The following CPNE4 variants were observed in gnomAD, a reference collection of about 807,000 sequenced individuals.
CPNE4 encodes copine 4.
A neutral mutation model predicts 67.9 loss-of-function variants in CPNE4; 25 were observed. The observed-to-expected ratio is 0.37, with a 90% confidence interval of 0.27 to 0.51. The LOEUF (loss-of-function observed/expected upper bound fraction) is 0.51, where lower values mean the gene tolerates loss of function less well. Ranked by LOEUF, CPNE4 falls within the 20% of genes least tolerant of loss-of-function variation. The pLI is 0.93. For missense variants in CPNE4, 464 were observed against 690.8 expected, an observed-to-expected ratio of 0.67 and a Z score of 3.68; for synonymous variants, 242 against 244.9, an observed-to-expected ratio of 0.99 and a Z score of 0.11.
intron 7 of CPNE4, among the ~76,000 whole-genome samples, chr3:131,622,853 C>T (rs1173550596): frequency 1.3e-5 from 2 of 152,168 alleles, no homozygotes; most frequent in Non-Finnish European, 2.9e-5. Context: ...CAGGAGTTTG[C>T]CGCTGTCCGT....
rs577158865 is a variant in CPNE4, at chr3:131,575,267, G to C, written c.868-137C>G. The C allele has an allele frequency of 1.0e-5, 7 of 693,834 alleles. No individual in the cohort carries two copies. The South Asian group carries it at 1.3e-4, about 12-fold the overall frequency. 43.0% of individuals were successfully genotyped at this position (693,834 alleles called of 1,614,324 possible). A position where few individuals can be genotyped will look rare whatever the true frequency, so the allele number is the denominator to read the frequency against. The stretch of plus-strand genomic sequence containing the variant: ...GACAGACATCATTGAAAAAAGATGG[G>C]TCAGTTAAGTTTGTTCTGTTAAAGG... On this transcript the variant is annotated intron_variant, in intron 9 of 15. Transcript: ENST00000429747.
chr3:131,918,771 A>G (rs970121823), intron 1 of CPNE4, among the ~76,000 whole-genome samples: 1 of 152,160 alleles, frequency 6.6e-6, no homozygotes, highest in Non-Finnish European at 1.5e-5. Context: ...TGCACTGTGA[A>G]TCTCCAAAAA....
At chr3:131,899,728 A>G (rs755774403) in intron 2 of CPNE4, among the ~76,000 whole-genome samples, 5 of 152,156 alleles carry the variant, frequency 3.3e-5, no homozygotes, top group African/African-American at 1.2e-4. Context: ...ACTTTAATTC[A>G]TCACATAAAT....
At chr3:131,967,476 A>AT (rs2072385094) in intron 1 of CPNE4, among the ~76,000 whole-genome samples, 1 of 152,212 alleles carries the variant, frequency 6.6e-6, no homozygotes, top group Non-Finnish European at 1.5e-5. Flanking sequence ...AGAAAACCCC[A>AT]TCATCTCAGC....
intron 3 of CPNE4, among the ~76,000 whole-genome samples, chr3:131,700,415 A>G (rs1252633460): frequency 6.6e-6 from 1 of 152,150 alleles, no homozygotes; most frequent in Non-Finnish European, 1.5e-5. Context: ...TAACTTCTAG[A>G]GTTCTATTTT....
intron 7 of CPNE4, among the ~76,000 whole-genome samples, chr3:131,618,286 G>A (rs1194202202): frequency 3.9e-5 from 6 of 152,112 alleles, no homozygotes; most frequent in African/African-American, 1.2e-4. Flanking sequence ...TAATAATTGT[G>A]TACATTTAGG....
chr3:131,927,704 C>T (rs1307076213), intron 1 of CPNE4, among the ~76,000 whole-genome samples: 1 of 152,122 alleles, frequency 6.6e-6, no homozygotes, highest in African/African-American at 2.4e-5. Flanking sequence ...ATACATTCAG[C>T]AGGACAGTTT....
intron 2 of CPNE4, among the ~76,000 whole-genome samples, chr3:131,777,113 A>G (rs149397627): frequency 1.8e-3 from 275 of 152,272 alleles, no homozygotes; most frequent in Middle Eastern, 6.8e-3. Flanking sequence ...TCAAGATGCA[A>G]TCTAAACAGC....
Position 131,588,440 on chromosome 3 carries a change from G to A in CPNE4, c.682-858C>T, listed in dbSNP as rs376567357. On this transcript the variant is annotated intron_variant, in intron 7 of 15. Coordinates refer to ENST00000429747, the MANE Select transcript of CPNE4 (RefSeq NM_130808.3). Reference sequence around the variant, plus strand: ...TCTTAAGCCAAAGATTTGCAGGAAAGAAGCTCAGACCTCAAATAAGATCAA... The same window carrying A: ...TCTTAAGCCAAAGATTTGCAGGAAAAAAGCTCAGACCTCAAATAAGATCAA... 6.9e-4 allele frequency among the ~76,000 whole-genome samples: 105 copies of A among 152,260 alleles called. No individual in the cohort carries two copies. In the South Asian group the frequency reaches 9.3e-3, roughly 14 times the overall value.
At chr3:132,039,556 CGT>C (rs1292367738), upstream of CPNE4, 9 of 152,170 alleles carry the variant, frequency 5.9e-5, no homozygotes, top group Admixed American at 5.9e-4. Flanking sequence ...ACTGAAAAAG[CGT>C]GTGTCTTTCC....
chr3:131,868,083 G>C (rs942179282), intron 2 of CPNE4, among the ~76,000 whole-genome samples: 1 of 152,146 alleles, frequency 6.6e-6, no homozygotes. Context: ...AACTTGTAAA[G>C]TTTATTTGTA....
chr3:131,553,528 T>A (rs1052344180), intron 12 of CPNE4, among the ~76,000 whole-genome samples: 1 of 152,076 alleles, frequency 6.6e-6, no homozygotes, highest in Non-Finnish European at 1.5e-5. Context: ...AGCTCCCTTA[T>A]CCCTTGGGGT....
chr3:131,554,657 T>C (rs1231540941), intron 12 of CPNE4, among the ~76,000 whole-genome samples: 1 of 152,072 alleles, frequency 6.6e-6, no homozygotes, highest in Non-Finnish European at 1.5e-5. Flanking sequence ...CTTTATATGA[T>C]GGCTCTAGTG....
intron 2 of CPNE4, among the ~76,000 whole-genome samples, chr3:131,836,367 T>C (rs542755635): frequency 1.3e-5 from 2 of 152,334 alleles, no homozygotes; most frequent in South Asian, 4.1e-4. Flanking sequence ...TGTACGATTA[T>C]ATTAATTAAA....
At chr3:131,950,986 C>T (rs2071705092) in intron 1 of CPNE4, among the ~76,000 whole-genome samples, 1 of 152,082 alleles carries the variant, frequency 6.6e-6, no homozygotes, top group South Asian at 2.1e-4. Context: ...TTGTTCATTT[C>T]CTGTTGTTTG....
chr3:131,694,366 T>A lies in CPNE4; in HGVS notation c.507+2176A>T, dbSNP rs74367654. Among the ~76,000 whole-genome samples, 866 of 152,316 alleles carry A rather than the reference T, an allele frequency of 5.7e-3. 7 individuals carry two copies. The highest frequency in any genetic ancestry group is 0.02 in the African/African-American group (824 of 41,578). On this transcript the variant is annotated intron_variant, in intron 5 of 15. Coordinates refer to ENST00000429747, the MANE Select transcript of CPNE4 (RefSeq NM_130808.3). ...GGGAACTATTTTTCCAGCTGTGACATGAAATAATTATATTATTTTATTCTA... is the reference window on the plus strand; with the variant it reads ...GGGAACTATTTTTCCAGCTGTGACAAGAAATAATTATATTATTTTATTCTA...
intron 7 of CPNE4, among the ~76,000 whole-genome samples, chr3:131,656,032 G>C (rs186434718): frequency 5.4e-5 from 8 of 148,868 alleles, no homozygotes; most frequent in African/African-American, 2.0e-4. Flanking sequence ...GTGAGAACCA[G>C]ATGTGGCCAC....
chr3:131,638,626 C>G (rs976722846), intron 7 of CPNE4, among the ~76,000 whole-genome samples: 1 of 152,054 alleles, frequency 6.6e-6, no homozygotes, highest in Non-Finnish European at 1.5e-5. Context: ...GACAGAAAGT[C>G]AACAAAGAAA....
At chr3:131,952,490 C>T in intron 1 of CPNE4, among the ~76,000 whole-genome samples, 1 of 98,890 alleles carries the variant, frequency 1.0e-5, no homozygotes, top group African/African-American at 2.8e-5. Flanking sequence ...CAGCGCCCCG[C>T]CAGGCCAGCC....
Sources: gnomAD v4.1 joint callset for allele counts (sites outside exome capture counted in the v4.1 genomes callset) on GRCh38, gnomAD v4.1.1 for gene constraint, MANE v1.5 for transcripts, NCBI Gene and HGNC (gene_info 2026-07-23, HGNC 2026-07-21) for gene names.